The following PCP4 variants were observed in gnomAD, a reference collection of about 807,000 sequenced individuals.
PCP4 encodes the protein Purkinje cell protein 4, also known as calmodulin regulator protein PCP4.
PCP4 carries 8 observed loss-of-function variants against 10.0 expected under a neutral mutation model. That is an observed-to-expected ratio of 0.80 (90% CI 0.47 to 1.45). The LOEUF (loss-of-function observed/expected upper bound fraction) is 1.45. PCP4 is among the 40% of genes most tolerant of loss of function. The pLI is 0.00. For missense variants in PCP4, 54 were observed against 74.4 expected (o/e 0.73, Z 1.01); for synonymous variants, 21 against 23.0 (o/e 0.91, Z 0.24).
At chr21:39,882,537 C>T (rs1231030820) in intron 1 of PCP4, among the ~76,000 whole-genome samples, 1 of 152,196 alleles carries the variant, frequency 6.6e-6, no homozygotes, top group East Asian at 1.9e-4. Flanking sequence ...TTTTTGTAAT[C>T]CGGGAAGACC....
At chr21:39,883,987 A>G (rs941636105) in intron 1 of PCP4, among the ~76,000 whole-genome samples, 6 of 152,170 alleles carry the variant, frequency 3.9e-5, no homozygotes, top group Non-Finnish European at 8.8e-5. Context: ...ATAAAAACAG[A>G]CACTGAGGCT....
At chr21:39,907,360 C>G (rs1196960571) in intron 2 of PCP4, among the ~76,000 whole-genome samples, 1 of 152,116 alleles carries the variant, frequency 6.6e-6, no homozygotes, top group South Asian at 2.1e-4. Flanking sequence ...AGCAGCCAAT[C>G]TAGAACATAG....
At chr21:39,912,690 T>C (rs1262280916) in intron 2 of PCP4, among the ~76,000 whole-genome samples, 1 of 152,138 alleles carries the variant, frequency 6.6e-6, no homozygotes, top group Non-Finnish European at 1.5e-5. Context: ...GTCAGAACGT[T>C]ATTATTTTAA....
intron 1 of PCP4, among the ~76,000 whole-genome samples, chr21:39,878,001 A>ATG (rs2087354418): frequency 4.1e-5 from 5 of 122,276 alleles, no homozygotes; most frequent in South Asian, 3.4e-4. Context: ...CTAGATTGTG[A>ATG]CGAGAGAGAG....
chr21:39,871,611 T>C (rs73215367), intron 1 of PCP4, among the ~76,000 whole-genome samples: 3,851 of 152,324 alleles, frequency 0.025, 86 homozygotes, highest in South Asian at 0.062. Context: ...AGATACTCTT[T>C]CCTCTAATTG....
chr21:39,910,839 C>T (rs1295025637), intron 2 of PCP4, among the ~76,000 whole-genome samples: 2 of 152,228 alleles, frequency 1.3e-5, no homozygotes, highest in Non-Finnish European at 2.9e-5. Context: ...CAATAAACCT[C>T]ATCCGACTCT....
chr21:39,905,288 C>G (rs1016337325), intron 2 of PCP4, among the ~76,000 whole-genome samples: 1 of 152,046 alleles, frequency 6.6e-6, no homozygotes, highest in East Asian at 1.9e-4. Context: ...GACTGATGCT[C>G]AAGAGATGGG....
At chr21:39,923,783 C>T (rs1716342809) in intron 2 of PCP4, among the ~76,000 whole-genome samples, 1 of 152,200 alleles carries the variant, frequency 6.6e-6, no homozygotes, top group Non-Finnish European at 1.5e-5. Context: ...TTCGTCCATA[C>T]CACTCGTTTA....
chr21:39,911,720 T>G (rs2087540955), intron 2 of PCP4, among the ~76,000 whole-genome samples: 1 of 152,242 alleles, frequency 6.6e-6, no homozygotes, highest in Non-Finnish European at 1.5e-5. Flanking sequence ...AAAGCCTCAC[T>G]TGTCTTTTCT....
chr21:39,885,970 C>T (rs1027084219), intron 1 of PCP4, among the ~76,000 whole-genome samples: 23 of 152,344 alleles, frequency 1.5e-4, no homozygotes, highest in South Asian at 1.4e-3. Flanking sequence ...CTGCTCCAGG[C>T]CCCTCTTCCG....
At chr21:39,927,303 TATCTATCTATCTATCTATC>T (rs1408459609) in intron 2 of PCP4, among the ~76,000 whole-genome samples, 6 of 118,722 alleles carry the variant, frequency 5.1e-5, no homozygotes, top group Non-Finnish European at 7.6e-5. Flanking sequence ...TCTATCTATC[TATCTATCTATCTATCTATC>T]ATCTATCTAT....
intron 2 of PCP4, among the ~76,000 whole-genome samples, chr21:39,920,465 G>A (rs1411378220): frequency 6.6e-6 from 1 of 151,890 alleles, no homozygotes; most frequent in African/African-American, 2.4e-5. Flanking sequence ...TGTTGTGTGT[G>A]TGTGGCGTGT....
At chr21:39,921,593 C>G (rs1257105365) in intron 2 of PCP4, among the ~76,000 whole-genome samples, 1 of 152,174 alleles carries the variant, frequency 6.6e-6, no homozygotes, top group Non-Finnish European at 1.5e-5. Flanking sequence ...TCTCCCCACC[C>G]AAATTAATAT....
chr21:39,894,219 G>A (rs1467260805), intron 1 of PCP4, among the ~76,000 whole-genome samples: 1 of 152,170 alleles, frequency 6.6e-6, no homozygotes, highest in African/African-American at 2.4e-5. Context: ...TTTTGCTGTG[G>A]TTGAAGTTGA....
chr21:39,884,825 A>C (rs2087392385), intron 1 of PCP4, among the ~76,000 whole-genome samples: 2 of 152,076 alleles, frequency 1.3e-5, no homozygotes, highest in Admixed American at 6.6e-5. Context: ...AGAGAGAGAC[A>C]GAGATTATTC....
rs562632870 is a variant in PCP4, at chr21:39,887,935, A to T, written c.10-10541A>T. On this transcript the variant is annotated intron_variant, in intron 1 of 2. Transcript: ENST00000328619. ...TGTGTGGGGTATTAATTGTGCGAGG[A>T]ATATGCAATATCTGAAACTTCATGG... is the stretch of plus-strand genomic sequence containing the variant. Among the ~76,000 whole-genome samples the T allele has an allele frequency of 2.6e-4, 39 of 152,314 alleles. 1 individual carries two copies. Among genetic ancestry groups the T allele is most frequent in the Admixed American group, 2.3e-3 (35 of 15,296 alleles).
chr21:39,920,293 G>GTC (rs1199308532), intron 2 of PCP4, among the ~76,000 whole-genome samples: 1 of 147,410 alleles, frequency 6.8e-6, no homozygotes, highest in Non-Finnish European at 1.5e-5. Flanking sequence ...TGTGGTGTGT[G>GTC]TGTGTGGTGT....
intron 2 of PCP4, among the ~76,000 whole-genome samples, chr21:39,913,982 C>T (rs754548140): frequency 5.5e-4 from 4 of 7,272 alleles, no homozygotes; most frequent in South Asian, 8.2e-3. Flanking sequence ...CCAAGAAGGA[C>T]GCAGAAACGT....
At chr21:39,907,184 A>G (rs2244297) in intron 2 of PCP4, among the ~76,000 whole-genome samples, 27,180 of 152,040 alleles carry the variant, frequency 0.18, 3,167 homozygotes, top group East Asian at 0.39. Context: ...ATTGTCCTCA[A>G]AGAGTAGATC....
Sources: allele counts gnomAD v4.1 joint callset (sites outside exome capture counted in the v4.1 genomes callset), GRCh38; gene constraint gnomAD v4.1.1; transcripts MANE v1.5; gene names NCBI Gene and HGNC (gene_info 2026-07-23, HGNC 2026-07-21).